ADCK5: variants seen among roughly 807,000 people sequenced by gnomAD.
ADCK5 encodes uncharacterized aarF domain-containing protein kinase 5.
Under a neutral mutation model 64.9 loss-of-function variants are expected in ADCK5, and 43 were observed. The ratio of observed to expected loss-of-function variants is 0.66; its 90% CI spans 0.52 to 0.85. The LOEUF (loss-of-function observed/expected upper bound fraction) is 0.85, where lower values mean the gene tolerates loss of function less well. Among genes scored for constraint, ADCK5 ranks in the 40% least tolerant of loss-of-function variants. The probability of loss-of-function intolerance (pLI) is 0.00; values close to 1 mark genes in which losing one functional copy is unlikely to be tolerated. For missense variants in ADCK5, 760 were observed against 810.5 expected, an observed-to-expected ratio of 0.94 and a Z score of 0.76; for synonymous variants, 434 against 342.8, an observed-to-expected ratio of 1.27 and a Z score of -2.94.
chr8:144,386,747 A>C (rs1483955556), intron 3 of ADCK5, among the ~76,000 whole-genome samples: 10 of 152,234 alleles, frequency 6.6e-5, no homozygotes, highest in African/African-American at 2.4e-4. Flanking sequence ...TTCAGTTTCC[A>C]GCCCCGGTCC....
At chr8:144,377,814 C>T (rs1169374914) in intron 1 of ADCK5, among the ~76,000 whole-genome samples, 2 of 152,226 alleles carry the variant, frequency 1.3e-5, no homozygotes, top group Admixed American at 1.3e-4. Context: ...CGGGCGTCCA[C>T]CTTCAAGGTT....
chr8:144,392,328 C>A lies in ADCK5; in HGVS notation c.1250C>A (p.Ala417Asp), dbSNP rs1213474883. The A allele has an allele frequency of 1.2e-6, 1 of 828,964 alleles. No homozygotes were observed. The highest frequency in any genetic ancestry group is 1.7e-6 in the Non-Finnish European group (1 of 575,726). The allele number at this position is 828,964 out of a possible 1,614,324, so 51.4% of individuals were successfully genotyped here. Residue 417 changes from alanine to aspartate, a missense_variant, in exon 12 of 15, where the codon GCC (alanine) becomes GAC (aspartate). This residue lies in a region of ADCK5 where 333 missense variants were observed against 292.0 expected (regional missense o/e 1.14). Coordinates refer to ENST00000308860, the MANE Select transcript of ADCK5 (RefSeq NM_174922.5). ...RDDAAMRAHA[A>D]ALGVQDYLLF... is the part of the protein sequence containing the mutation. ...GACGCCGCCATGAGGGCGCACGCAG[C>A]CGCACTGGGGGTGCAAGGTGAGGGC...
At position 144,391,447 on chromosome 8, in the gene ADCK5, C is replaced by A. The variant is rs782150906; in HGVS notation, c.771C>A (p.Pro257=). 1 of 1,612,288 alleles carries A rather than the reference C, an allele frequency of 6.2e-7. No homozygotes were observed. The highest frequency in any genetic ancestry group is 1.7e-5 in the Admixed American group (1 of 59,960). ...LLLRLVEVMH[P]SFGFSWVLQD... ...TGCGGCTCGTTGAGGTCATGCACCC[C>A]AGCTTTGGCTTCAGCTGGGTCCTCC... Residue 257 remains proline, a synonymous_variant, in exon 7 of 15, where the codon CCC becomes CCA. Transcript: ENST00000308860.
chr8:144,391,265 G>A lies in ADCK5; in HGVS notation c.675G>A (p.Val225=). The A allele has an allele frequency of 2.5e-6, 4 of 1,612,420 alleles. No homozygotes were observed. Among genetic ancestry groups the A allele is most frequent in the Non-Finnish European group, 3.4e-6 (4 of 1,180,026 alleles). The part of the protein sequence containing the change: ...HRAKLHDGTS[V]AVKVQYIDLR... Reference sequence around the variant, plus strand: ...CCAAGCTGCACGATGGCACCAGCGTGGCTGTGAAGGTATATGGGGGCTGCC... The same window carrying A: ...CCAAGCTGCACGATGGCACCAGCGTAGCTGTGAAGGTATATGGGGGCTGCC... Residue 225 remains valine (V), a synonymous_variant, in exon 6 of 15, where the codon GTG becomes GTA. Transcript: ENST00000308860.
At chr8:144,386,882 C>G (rs2130715277) in intron 3 of ADCK5, among the ~76,000 whole-genome samples, 1 of 152,336 alleles carries the variant, frequency 6.6e-6, no homozygotes, top group Middle Eastern at 3.4e-3. Flanking sequence ...ATCCCAAGGA[C>G]TTAAGAAGGG....
chr8:144,391,056 G>A lies in ADCK5; in HGVS notation c.543G>A (p.Glu181=), dbSNP rs782509357. Residue 181 remains glutamate, a splice_region_variant and synonymous_variant, in exon 5 of 15, where the codon GAG becomes GAA. Coordinates refer to ENST00000308860, the MANE Select transcript of ADCK5 (RefSeq NM_174922.5). ...GGGCCCTCAAGCGGGGCTTCCAGGA[G>A]GTGAGTGTGCGCTCAGGCCGAGGGA... ...EDRALKRGFQ[E]VDELFLEDFQ... is the part of the protein sequence containing the mutation. 31 of 1,612,034 alleles carry A rather than the reference G, an allele frequency of 1.9e-5. No individual in the cohort carries two copies. The Admixed American group carries it at 3.2e-4, about 16-fold the overall frequency.
rs782328226 is a variant in ADCK5 at position 144,392,520 on chromosome 8, G to A, written c.1343G>A (p.Ser448Asn). The A allele has an allele frequency of 6.0e-5, 93 of 1,547,468 alleles. No individual in the cohort carries two copies. Among genetic ancestry groups the A allele is most frequent in the Non-Finnish European group, 7.5e-5 (87 of 1,152,550 alleles). ...LGQLWGSHLL[S>N]REEAAYMVDM... ...CAGCTGTGGGGCTCGCACCTACTGA[G>A]CCGCGAAGAGGCGGCCTACATGGTG... Residue 448 changes from serine to asparagine, a missense_variant, in exon 13 of 15, where the codon AGC becomes AAC. Ser to Asn is a conservative substitution (Grantham distance 46). Coordinates refer to ENST00000308860, the MANE Select transcript of ADCK5 (RefSeq NM_174922.5).
intron 1 of ADCK5, among the ~76,000 whole-genome samples, chr8:144,374,943 G>A (rs945093726): frequency 1.3e-5 from 2 of 152,268 alleles, no homozygotes; most frequent in African/African-American, 4.8e-5. Context: ...CCTTCCAGAA[G>A]AGATGAAGGG....
At chr8:144,373,905 G>C (rs1819253994), upstream of ADCK5, 1 of 577,034 alleles carries the variant, frequency 1.7e-6, no homozygotes, top group Non-Finnish European at 2.5e-6. Flanking sequence ...AAGCCTCTGG[G>C]GGCCGCCAGG....
chr8:144,381,511 C>T, intron 2 of ADCK5, among the ~76,000 whole-genome samples: 1 of 142,772 alleles, frequency 7.0e-6, no homozygotes, highest in Non-Finnish European at 1.5e-5. Flanking sequence ...CAGGCCCCTG[C>T]TGCACTCAGG....
upstream of ADCK5, chr8:144,373,945 G>A (rs1466541887): frequency 3.3e-6 from 3 of 915,710 alleles, no homozygotes; most frequent in Non-Finnish European, 4.3e-6. Context: ...AGGCCGGCAC[G>A]ACTCGGGGCG....
At chr8:144,377,664 G>A (rs551556564) in intron 1 of ADCK5, among the ~76,000 whole-genome samples, 14 of 152,282 alleles carry the variant, frequency 9.2e-5, no homozygotes, top group Middle Eastern at 3.4e-3. Flanking sequence ...ACTTCTTTAC[G>A]TGTGTCCTGC....
At chr8:144,380,384 C>A (rs77669202) in intron 2 of ADCK5, among the ~76,000 whole-genome samples, 22 of 151,206 alleles carry the variant, frequency 1.5e-4, no homozygotes, top group East Asian at 4.0e-4. Flanking sequence ...CTGCCGCAGT[C>A]AGGATTATGG....
chr8:144,392,421 C>CCA, intron 12 of ADCK5, 24 bp from the exon 13 acceptor site: 2 of 1,432,132 alleles, frequency 1.4e-6, no homozygotes, highest in Non-Finnish European at 1.8e-6. Context: ...AGCCCCCTCC[C>CCA]TCCCTCCCTC....
chr8:144,388,597 T>C (rs1188384679), intron 3 of ADCK5, among the ~76,000 whole-genome samples: 2 of 151,450 alleles, frequency 1.3e-5, no homozygotes, highest in Non-Finnish European at 2.9e-5. Context: ...ACCCCATCTC[T>C]ACTAAAAATA....
At chr8:144,385,705 T>A (rs1328205000) in intron 3 of ADCK5, among the ~76,000 whole-genome samples, 4 of 151,650 alleles carry the variant, frequency 2.6e-5, no homozygotes, top group African/African-American at 9.7e-5. Context: ...GGCTCACGCC[T>A]GTAATCCCAG....
Position 144,393,028 on chromosome 8 carries a change from G to T in ADCK5, c.1697G>T (p.Ser566Ile). Reference protein sequence around the residue: ...ALLARALVHLSLVPPAEELYQ... With the variant: ...ALLARALVHLILVPPAEELYQ... ...CTGGCTCGTGCTCTGGTCCACCTGA[G>T]CCTCGTGCCCCCAGCGGAGGAGCTC... is the stretch of plus-strand genomic sequence containing the variant. Residue 566 changes from serine (S) to isoleucine (I), a missense_variant, in exon 15 of 15, where the codon AGC becomes ATC. This residue lies in a region of ADCK5 where 333 missense variants were observed against 292.0 expected (regional missense o/e 1.14). Transcript: ENST00000308860. 6.3e-7 allele frequency: 1 copy of T among 1,590,812 alleles called. No individual in the cohort carries two copies. The highest frequency in any genetic ancestry group is 8.5e-7 in the Non-Finnish European group (1 of 1,172,494).
In ADCK5 at chr8:144,378,166, G is replaced by A. The variant is rs192244058; in HGVS notation, c.13-1221G>A. Reference sequence around the variant, plus strand: ...TGACACTCAGCCTTGCTCCCAGGAGGTAGGATAGTGTTTCCATTACGGAAT... The same window carrying A: ...TGACACTCAGCCTTGCTCCCAGGAGATAGGATAGTGTTTCCATTACGGAAT... On this transcript the variant is annotated intron_variant, in intron 1 of 14. Coordinates refer to ENST00000308860, the MANE Select transcript of ADCK5 (RefSeq NM_174922.5). Among the ~76,000 whole-genome samples, 8 of 152,330 alleles carry A rather than the reference G, an allele frequency of 5.3e-5. No homozygotes were observed. The East Asian group carries it at 1.5e-3, about 29-fold the overall frequency.
intron 12 of ADCK5, 32 bp downstream of exon 12, chr8:144,392,377 C>G (rs1554861185): frequency 3.7e-6 from 5 of 1,367,642 alleles, no homozygotes; most frequent in Non-Finnish European, 4.9e-6. Flanking sequence ...TGGGGCACCA[C>G]AGAAGGGAGT....
Sources: gnomAD v4.1 joint callset for allele counts (sites outside exome capture counted in the v4.1 genomes callset) on GRCh38, gnomAD v4.1.1 for gene constraint, gnomAD v4.1.1 regional missense constraint, MANE v1.5 for transcripts, NCBI Gene and HGNC (gene_info 2026-07-23, HGNC 2026-07-21) for gene names.